Variants in ZSWIM8 observed in about 807,000 individuals in gnomAD.
The protein encoded by ZSWIM8 is zinc finger SWIM domain-containing protein 8.
A neutral mutation model predicts 173.7 loss-of-function variants in ZSWIM8; 27 were observed. The ratio of observed to expected loss-of-function variants is 0.16; its 90% CI spans 0.11 to 0.21. ZSWIM8 has a LOEUF of 0.21. Ranked by LOEUF, ZSWIM8 falls within the 10% of genes least tolerant of loss-of-function variation. The pLI is 1.00. For missense variants in ZSWIM8, 1,627 were observed against 2,428.8 expected, an observed-to-expected ratio of 0.67 and a Z score of 6.94; for synonymous variants, 958 against 962.0, an observed-to-expected ratio of 1.00 and a Z score of 0.08.
chr10:73,794,928 A>T (rs866225085), intron 14 of ZSWIM8: 3 of 52,190 alleles, frequency 5.7e-5, no homozygotes, highest in South Asian at 3.9e-4. Flanking sequence ...TCTCTACTTA[A>T]AAAAAAAAAA....
In ZSWIM8 at chr10:73,790,850, AAAAAAAAAATTTTGT is replaced by A. The variant is rs1012644763; in HGVS notation, c.942-124_942-110del. On this transcript the variant is annotated intron_variant, in intron 7 of 25. Transcript: ENST00000604729. The stretch of plus-strand genomic sequence containing the variant: ...GGCGACAGAGCAAGACTTGGTCTCA[AAAAAAAAAATTTTGT>A]TACAGATGTCTTTTTCCCTCTATCT... 3.2e-6 allele frequency: 3 copies of A among 943,052 alleles called. No individual in the cohort carries two copies. In the African/African-American group the frequency reaches 5.0e-5, roughly 16 times the overall value. 58.4% of individuals were successfully genotyped at this position (943,052 alleles called of 1,614,324 possible).
Position 73,789,034 on chromosome 10 carries a change from C to T in ZSWIM8, c.363-62C>T. Reference sequence around the variant, plus strand: ...GAGAGTGCCTAGGGCATTGTGGTCTCTGACAGGGTCTGCCAAAGGTTATTT... The same window carrying T: ...GAGAGTGCCTAGGGCATTGTGGTCTTTGACAGGGTCTGCCAAAGGTTATTT... On this transcript the variant is annotated intron_variant, in intron 2 of 25. Transcript: ENST00000604729. The surrounding 1 kb of genome is among the most constrained non-coding windows in gnomAD (Gnocchi z 6.8). 1.0e-5 allele frequency: 15 copies of T among 1,485,858 alleles called. No individual in the cohort carries two copies. Among genetic ancestry groups the T allele is most frequent in the Admixed American group, 1.8e-5 (1 of 55,004 alleles). The allele number at this position is 1,485,858 out of a possible 1,614,324, so 92.0% of individuals were successfully genotyped here.
intron 21 of ZSWIM8, chr10:73,799,737 C>T: frequency 1.6e-6 from 1 of 644,072 alleles, no homozygotes; most frequent in Non-Finnish European, 2.6e-6. Flanking sequence ...TCGAGACCAG[C>T]CTGGCCAACA....
At chr10:73,794,395 C>A in intron 13 of ZSWIM8, 65 bp downstream of exon 13, 1 of 1,575,490 alleles carries the variant, frequency 6.3e-7, no homozygotes, top group Admixed American at 1.8e-5. Context: ...TAAGAAAGAC[C>A]AAGAGCCCCA....
intron 14 of ZSWIM8, 63 bp from the exon 15 acceptor site, chr10:73,795,476 T>C (rs2083597866): frequency 9.4e-6 from 15 of 1,600,686 alleles, no homozygotes; most frequent in Non-Finnish European, 1.0e-5. Context: ...CCCTGGCCTC[T>C]TACCTTTGCT....
chr10:73,793,173 C>G (rs2083483241), intron 10 of ZSWIM8, among the ~76,000 whole-genome samples: 1 of 152,200 alleles, frequency 6.6e-6, no homozygotes, highest in African/African-American at 2.4e-5. Flanking sequence ...CTTGGCTGCT[C>G]TGTCCTTTGC....
rs2083720043 is a variant in ZSWIM8, at chr10:73,797,458, G to C, written c.3515G>C (p.Gly1172Ala). ...TTAAGCCGGAGACCACTTCGAGGGG[G>C]CTGGGCCCCCACCTCCTGGGGTCGA... ...PTLSRRPLRG[G>A]WAPTSWGRGQ... Residue 1172 changes from glycine to alanine, a missense_variant, in exon 18 of 26, where the codon GGC becomes GCC. Transcript: ENST00000604729. This position sits in a 1 kb window ranked among gnomAD's most constrained non-coding sequence, Gnocchi z 5.6. 6.2e-7 allele frequency: 1 copy of C among 1,613,946 alleles called. No homozygotes were observed. The highest frequency in any genetic ancestry group is 8.5e-7 in the Non-Finnish European group (1 of 1,179,854).
intron 6 of ZSWIM8, 57 bp downstream of exon 6, chr10:73,790,094 G>A (rs2083365094): frequency 6.2e-6 from 10 of 1,609,780 alleles, no homozygotes; most frequent in Middle Eastern, 1.7e-4. Context: ...AGTACAGAGC[G>A]CCATTTACTC....
chr10:73,797,626 A>G lies in ZSWIM8; in HGVS notation c.3662+21A>G. ...GGCAGGTCAGTGGGAAGAACTCCCC[A>G]TCTTCCCTGATCTGGCCCACCCTCA... is the stretch of plus-strand genomic sequence containing the variant. On this transcript the variant is annotated intron_variant, in intron 18 of 25. Coordinates refer to ENST00000604729, the MANE Select transcript of ZSWIM8 (RefSeq NM_001367799.1). This position sits in a 1 kb window ranked among gnomAD's most constrained non-coding sequence, Gnocchi z 5.6. 6.2e-7 allele frequency: 1 copy of G among 1,610,594 alleles called. No individual in the cohort carries two copies. Among genetic ancestry groups the G allele is most frequent in the Non-Finnish European group, 8.5e-7 (1 of 1,177,622 alleles).
At chr10:73,798,527 G>C (rs1204775822) in intron 20 of ZSWIM8, 74 bp downstream of exon 20, 1 of 1,366,008 alleles carries the variant, frequency 7.3e-7, no homozygotes, top group East Asian at 2.4e-5. Flanking sequence ...AAAGCTAAGG[G>C]CCCAGCTCTT....
At chr10:73,794,850 G>A (rs2083558925) in intron 14 of ZSWIM8, 1 of 403,394 alleles carries the variant, frequency 2.5e-6, no homozygotes, top group Non-Finnish European at 4.5e-6. Flanking sequence ...CGCTTTGGGA[G>A]GCTGAAGCAG....
In ZSWIM8 at chr10:73,799,509, T is replaced by C. The variant is rs1565087822; in HGVS notation, c.4665+19T>C. 6.3e-7 allele frequency: 1 copy of C among 1,591,268 alleles called. No homozygotes were observed. The highest frequency in any genetic ancestry group is 1.8e-5 in the Admixed American group (1 of 56,804). ...CCCACAGGTGAGACCAGTGTTCTGC[T>C]GGGGGGTAAGGCATGGGAAAATACT... On this transcript the variant is annotated intron_variant, in intron 21 of 25. Coordinates refer to ENST00000604729, the MANE Select transcript of ZSWIM8 (RefSeq NM_001367799.1).
rs1481615691 is a variant in ZSWIM8, at chr10:73,792,083, G to A, written c.1544G>A (p.Arg515Gln). 7 of 1,532,554 alleles carry A rather than the reference G, an allele frequency of 4.6e-6. No homozygotes were observed. The highest frequency in any genetic ancestry group is 2.5e-5 in the East Asian group (1 of 40,674). 94.9% of individuals were successfully genotyped at this position (1,532,554 alleles called of 1,614,324 possible). A position where few individuals can be genotyped will look rare whatever the true frequency, so the allele number is the denominator to read the frequency against. The change falls in exon 10 of 26, where the codon CGG becomes CAG. Residue 515 changes from arginine to glutamine, a missense_variant. Transcript: ENST00000604729. This position sits in a 1 kb window ranked among gnomAD's most constrained non-coding sequence, Gnocchi z 4.3. ...ALCWARALPS[R>Q]PGASRSGGLE... Reference sequence around the variant, plus strand: ...TGCTGGGCCCGGGCCCTGCCCTCTCGGCCAGGTGCCTCCCGCTCTGGGGGC... The same window carrying A: ...TGCTGGGCCCGGGCCCTGCCCTCTCAGCCAGGTGCCTCCCGCTCTGGGGGC...
At position 73,786,091 on chromosome 10, in the gene ZSWIM8, G is replaced by A; in HGVS notation, c.208+5G>A. 1 of 1,559,364 alleles carries A rather than the reference G, an allele frequency of 6.4e-7. No homozygotes were observed. The highest frequency in any genetic ancestry group is 8.7e-7 in the Non-Finnish European group (1 of 1,150,176). On this transcript the variant is annotated splice_donor_5th_base_variant and intron_variant, in intron 1 of 25. Transcript: ENST00000604729. Reference sequence around the variant, plus strand: ...GTGGCGGTACCAGAATGCGAGGTGAGAGTGAGCTGGGGGGAAGAGGAGCGG... The same window carrying A: ...GTGGCGGTACCAGAATGCGAGGTGAAAGTGAGCTGGGGGGAAGAGGAGCGG...
In ZSWIM8 at chr10:73,797,447, A is replaced by T. The variant is rs1377508193; in HGVS notation, c.3504A>T (p.Pro1168=). The T allele has an allele frequency of 6.2e-7, 1 of 1,613,712 alleles. No homozygotes were observed. The highest frequency in any genetic ancestry group is 2.2e-5 in the East Asian group (1 of 44,862). Residue 1168 remains proline, a synonymous_variant, in exon 18 of 26, where the codon CCA becomes CCT. Coordinates refer to ENST00000604729, the MANE Select transcript of ZSWIM8 (RefSeq NM_001367799.1). The surrounding 1 kb of genome is among the most constrained non-coding windows in gnomAD (Gnocchi z 5.6). ...GTTCCCCCACCTTAAGCCGGAGACC[A>T]CTTCGAGGGGGCTGGGCCCCCACCT... ...SDSSPTLSRR[P]LRGGWAPTSW... is the part of the protein sequence containing the mutation.
At position 73,801,372 on chromosome 10, in the gene ZSWIM8, T is replaced by C. The variant is rs749062462; in HGVS notation, c.5358T>C (p.Asn1786=). The change falls in exon 26 of 26, where the codon AAT becomes AAC. Residue 1786 remains asparagine, a synonymous_variant. Coordinates refer to ENST00000604729, the MANE Select transcript of ZSWIM8 (RefSeq NM_001367799.1). This position sits in a 1 kb window ranked among gnomAD's most constrained non-coding sequence, Gnocchi z 4.9. ...CTGCGGACTACGACGACTTTGTGAA[T>C]GCGATCCGGAGTGCCCGCAGCGCCT... ...LTPADYDDFV[N]AIRSARSAFC... The C allele has an allele frequency of 8.7e-6, 14 of 1,613,962 alleles. No homozygotes were observed. The highest frequency in any genetic ancestry group is 1.2e-5 in the Non-Finnish European group (14 of 1,179,872).
chr10:73,795,760 C>T, intron 15 of ZSWIM8, 97 bp downstream of exon 15: 1 of 1,357,266 alleles, frequency 7.4e-7, no homozygotes, highest in Middle Eastern at 2.6e-4. Flanking sequence ...GAGTTTGAGA[C>T]AAGCCTGGGC....
chr10:73,801,611 A>C lies in ZSWIM8; in HGVS notation c.*92A>C, dbSNP rs1310243798. 1 of 1,546,884 alleles carries C rather than the reference A, an allele frequency of 6.5e-7. No individual in the cohort carries two copies. ...GGAGTGAAACTTGGCTGGACAGATC[A>C]TCCTCACTCAGTTCCCTGGTAGCAC... is the stretch of plus-strand genomic sequence containing the variant. On this transcript the variant is annotated 3_prime_UTR_variant, in exon 26 of 26. Transcript: ENST00000604729. This position sits in a 1 kb window ranked among gnomAD's most constrained non-coding sequence, Gnocchi z 4.9.
chr10:73,796,096 C>T lies in ZSWIM8; in HGVS notation c.3033+433C>T, dbSNP rs182441938. ...TGCTATTTTAGGCTGGGTGCAGTGGCTCATGCCTGTAATCTCAGCACTTTG... is the reference window on the plus strand; with the variant it reads ...TGCTATTTTAGGCTGGGTGCAGTGGTTCATGCCTGTAATCTCAGCACTTTG... On this transcript the variant is annotated intron_variant, in intron 15 of 25. Transcript: ENST00000604729. 4.8e-3 allele frequency among the ~76,000 whole-genome samples: 727 copies of T among 152,010 alleles called. 8 individuals are homozygous for T. Among genetic ancestry groups the T allele is most frequent in the African/African-American group, 0.017 (701 of 41,428 alleles).
Sources: gnomAD v4.1 joint callset for allele counts (sites outside exome capture counted in the v4.1 genomes callset) on GRCh38, gnomAD v4.1.1 for gene constraint, Gnocchi (gnomAD v3.1) non-coding constraint, MANE v1.5 for transcripts, NCBI Gene and HGNC (gene_info 2026-07-23, HGNC 2026-07-21) for gene names.